Variants in PINX1 observed in about 807,000 individuals in gnomAD.
PINX1 encodes PIN2/TERF1-interacting telomerase inhibitor 1.
PINX1 carries 34 observed loss-of-function variants against 25.4 expected under a neutral mutation model. The ratio of observed to expected loss-of-function variants is 1.34; its 90% CI spans 1.02 to 1.78. The LOEUF is 1.78. Ranked by LOEUF, PINX1 falls within the 40% of genes most tolerant of loss-of-function variation. The pLI is 0.00. For missense variants in PINX1, 592 were observed against 404.9 expected (o/e 1.46, Z -3.97); for synonymous variants, 197 against 147.7 (o/e 1.33, Z -2.42).
intron 1 of PINX1, among the ~76,000 whole-genome samples, chr8:10,836,877 G>A (rs527906090): frequency 1.6e-4 from 24 of 152,286 alleles, no homozygotes; most frequent in Non-Finnish European, 3.1e-4. Context: ...ACATTTCCCA[G>A]CTCTAATGGC....
chr8:10,773,084 CA>C (rs1235470084), intron 6 of PINX1, among the ~76,000 whole-genome samples: 2 of 152,130 alleles, frequency 1.3e-5, no homozygotes, highest in African/African-American at 4.8e-5. Context: ...TCTCATTATA[CA>C]AGTACATACA....
At chr8:10,806,637 C>G (rs1178754900) in intron 6 of PINX1, among the ~76,000 whole-genome samples, 1 of 152,134 alleles carries the variant, frequency 6.6e-6, no homozygotes, top group Non-Finnish European at 1.5e-5. Context: ...GCCTAATGGC[C>G]CAACCACTTT....
intron 5 of PINX1, among the ~76,000 whole-genome samples, chr8:10,824,310 T>C (rs1797969512): frequency 6.6e-6 from 1 of 152,204 alleles, no homozygotes; most frequent in Non-Finnish European, 1.5e-5. Flanking sequence ...GTGTGCACCG[T>C]GATTGGAAAG....
At chr8:10,831,279 C>T (rs560247117) in intron 4 of PINX1, among the ~76,000 whole-genome samples, 9 of 152,026 alleles carry the variant, frequency 5.9e-5, no homozygotes, top group African/African-American at 2.2e-4. Context: ...ATTAGAGCTG[C>T]GTAAGGAAAA....
chr8:10,786,587 C>T (rs937509624), intron 6 of PINX1, among the ~76,000 whole-genome samples: 1 of 152,184 alleles, frequency 6.6e-6, no homozygotes, highest in African/African-American at 2.4e-5. Context: ...GGGCTCACCC[C>T]ACAGGGTTGG....
chr8:10,825,071 C>G (rs1281065719), intron 5 of PINX1, among the ~76,000 whole-genome samples: 2 of 152,164 alleles, frequency 1.3e-5, no homozygotes, highest in Non-Finnish European at 2.9e-5. Flanking sequence ...GGAGGCCCAG[C>G]CTCTCCCTGC....
rs1024904252 is a variant in PINX1, at chr8:10,826,180, G to A, written c.366C>T (p.Asn122=). ...TTGTGAATTTCATATAGTGAACACG[G>A]TTTTTGGAGATTTTGGACTTTTCCT... ...SLEEKSKISK[N]RVHYMKFTKG... The change falls in exon 5 of 7, where the codon AAC becomes AAT. Residue 122 remains asparagine, a synonymous_variant. Coordinates refer to ENST00000314787, the MANE Select transcript of PINX1 (RefSeq NM_017884.6). 2.5e-6 allele frequency: 4 copies of A among 1,590,134 alleles called. No homozygotes were observed. The highest frequency in any genetic ancestry group is 2.2e-5 in the East Asian group (1 of 44,740).
At chr8:10,826,303 C>A in intron 4 of PINX1, 59 bp from the exon 5 acceptor site, 1 of 894,714 alleles carries the variant, frequency 1.1e-6, no homozygotes, top group South Asian at 1.6e-5. Context: ...CATTTATTCT[C>A]CTAACAGTGG....
chr8:10,771,657 G>C (rs1801226656), intron 6 of PINX1, among the ~76,000 whole-genome samples: 1 of 152,210 alleles, frequency 6.6e-6, no homozygotes, highest in African/African-American at 2.4e-5. Flanking sequence ...AGGCTGTGAA[G>C]AGCTCCCACC....
intron 4 of PINX1, 82 bp from the exon 5 acceptor site, chr8:10,826,326 G>C (rs1218721755): frequency 5.8e-6 from 4 of 689,528 alleles, no homozygotes; most frequent in African/African-American, 1.8e-5. Flanking sequence ...AGTCTTGAAA[G>C]AAAATTTTAG....
intron 6 of PINX1, among the ~76,000 whole-genome samples, chr8:10,774,733 A>G (rs1388660304): frequency 1.3e-5 from 2 of 152,210 alleles, no homozygotes; most frequent in Non-Finnish European, 2.9e-5. Context: ...CTCGTCTTTC[A>G]ATTCTTATAA....
chr8:10,833,800 C>T (rs28710808), intron 2 of PINX1: 7,497 of 123,460 alleles, frequency 0.061, 977 homozygotes, highest in Non-Finnish European at 0.086. Flanking sequence ...GGCAAGAGGG[C>T]GGAGGAATCA....
chr8:10,789,337 T>C (rs1436459361), intron 6 of PINX1, among the ~76,000 whole-genome samples: 3 of 152,236 alleles, frequency 2.0e-5, no homozygotes, highest in Non-Finnish European at 2.9e-5. Context: ...AGGTGTGCCA[T>C]GTGATGTTTT....
At chr8:10,794,161 G>A (rs1374321276) in intron 6 of PINX1, among the ~76,000 whole-genome samples, 1 of 152,206 alleles carries the variant, frequency 6.6e-6, no homozygotes, top group Non-Finnish European at 1.5e-5. Context: ...AAGTGGCAGT[G>A]AAGGGGTATT....
At chr8:10,781,188 C>T (rs905755487) in intron 6 of PINX1, among the ~76,000 whole-genome samples, 1 of 152,138 alleles carries the variant, frequency 6.6e-6, no homozygotes, top group Admixed American at 6.5e-5. Context: ...ACAACATATA[C>T]AAAAATCAAC....
At chr8:10,836,913 C>G (rs529570992) in intron 1 of PINX1, among the ~76,000 whole-genome samples, 33 of 150,566 alleles carry the variant, frequency 2.2e-4, no homozygotes, top group Non-Finnish European at 3.8e-4. Flanking sequence ...TGTGGAAAAT[C>G]ATGGTAAGGA....
At chr8:10,778,739 T>G (rs1307093196) in intron 6 of PINX1, among the ~76,000 whole-genome samples, 1 of 152,240 alleles carries the variant, frequency 6.6e-6, no homozygotes, top group African/African-American at 2.4e-5. Flanking sequence ...ATGAAATTAG[T>G]GCTCTGCTGA....
rs1441165802 is a variant in PINX1, at chr8:10,765,443, T to C, written c.945A>G (p.Glu315=). 7 of 1,610,430 alleles carry C rather than the reference T, an allele frequency of 4.3e-6. No homozygotes were observed. The highest frequency in any genetic ancestry group is 3.3e-5 in the South Asian group (3 of 90,766). The part of the protein sequence containing the change: ...PVEIAEDATL[E]ETLVKKKKKK... ...TCTTCTTCTTTTTCACTAGCGTTTC[T>C]TCTAGTGTAGCGTCCTCTGCTATCT... Residue 315 remains glutamate (E), a synonymous_variant, in exon 7 of 7, where the codon GAA becomes GAG. Coordinates refer to ENST00000314787, the MANE Select transcript of PINX1 (RefSeq NM_017884.6).
intron 4 of PINX1, among the ~76,000 whole-genome samples, chr8:10,829,285 C>CAAAAAAAAAA (rs57684473): frequency 2.2e-5 from 2 of 90,530 alleles, no homozygotes; most frequent in African/African-American, 8.1e-5. Flanking sequence ...GACTCCATCT[C>CAAAAAAAAAA]AAAAAAAAAA....
Sources: gnomAD v4.1 joint callset for allele counts (sites outside exome capture counted in the v4.1 genomes callset) on GRCh38, gnomAD v4.1.1 for gene constraint, MANE v1.5 for transcripts, NCBI Gene and HGNC (gene_info 2026-07-23, HGNC 2026-07-21) for gene names.